TTLL11: variants seen among roughly 807,000 people sequenced by gnomAD.
TTLL11 encodes the protein tubulin tyrosine ligase like 11.
TTLL11 carries 42 observed loss-of-function variants against 51.7 expected under a neutral mutation model. The observed-to-expected ratio is 0.81, with a 90% CI of 0.64 to 1.05. The LOEUF is 1.05. Among genes scored for constraint, TTLL11 ranks in the 50% least tolerant of loss-of-function variants. The probability of loss-of-function intolerance (pLI) is 0.00; values close to 1 mark genes in which losing one functional copy is unlikely to be tolerated. For synonymous variants in TTLL11, 381 were observed against 383.5 expected (o/e 0.99, Z 0.08); for missense variants, 799 against 940.4 (o/e 0.85, Z 1.97).
At position 122,054,591 on chromosome 9, in the gene TTLL11, T is replaced by C. The variant is rs117907772; in HGVS notation, c.463-15223A>G. Reference sequence around the variant, plus strand: ...TCCACTTTCCAATTCATGAGGGTGATACAAACAACAAAATAATCTCTTTAA... The same window carrying C: ...TCCACTTTCCAATTCATGAGGGTGACACAAACAACAAAATAATCTCTTTAA... On this transcript the variant is annotated intron_variant, in intron 1 of 8. Transcript: ENST00000321582. Among the ~76,000 whole-genome samples the C allele has an allele frequency of 7.9e-3, 1,204 of 152,268 alleles. 3 individuals carry two copies. Among genetic ancestry groups the C allele is most frequent in the South Asian group, 0.018 (87 of 4,820 alleles).
chr9:121,870,914 T>C (rs150846239), intron 6 of TTLL11, among the ~76,000 whole-genome samples, 166 bp from the exon 7 acceptor site: 141 of 152,050 alleles, frequency 9.3e-4, no homozygotes, highest in Middle Eastern at 3.4e-3. Context: ...AGCTAGCACA[T>C]AGCCAAGCCA....
intron 3 of TTLL11, among the ~76,000 whole-genome samples, chr9:122,017,670 C>G (rs1471435612): frequency 1.3e-5 from 2 of 151,732 alleles, no homozygotes; most frequent in African/African-American, 4.8e-5. Flanking sequence ...ACCATGTTGG[C>G]TAGGCTGGTC....
At chr9:121,877,907 C>G (rs4837908) in intron 6 of TTLL11, among the ~76,000 whole-genome samples, 110,766 of 152,030 alleles carry the variant, frequency 0.73, 40,913 homozygotes, top group East Asian at 0.9. Flanking sequence ...GTCAGGCACT[C>G]ACTGAGGACC....
chr9:121,822,154 AC>A lies in TTLL11; in HGVS notation c.*432del, dbSNP rs1216337447. 1 of 152,600 alleles carries A rather than the reference AC, an allele frequency of 6.6e-6. No individual in the cohort carries two copies. The highest frequency in any genetic ancestry group is 6.6e-5 in the Admixed American group (1 of 15,234). 9.5% of individuals were successfully genotyped at this position (152,600 alleles called of 1,614,324 possible). A position where few individuals can be genotyped will look rare whatever the true frequency, so the allele number is the denominator to read the frequency against. On this transcript the variant is annotated 3_prime_UTR_variant, in exon 9 of 9. Transcript: ENST00000321582. The surrounding 1 kb of genome is among the most constrained non-coding windows in gnomAD (Gnocchi z 5.8). Reference sequence around the variant, plus strand: ...TCGGAACGGGCGGCAGGAAATAAACACGATGTTCTCAGGCTTTTCCCGGTGG... The same window carrying A: ...TCGGAACGGGCGGCAGGAAATAAACAGATGTTCTCAGGCTTTTCCCGGTGG...
rs150870848 is a variant in TTLL11 at position 121,850,855 on chromosome 9, G to A, written c.1840+9482C>T. ...TCACGTCCTTGGTAATTGCCCAATCGTGCTACAAACTTATGTCCACACAAA... is the reference window on the plus strand; with the variant it reads ...TCACGTCCTTGGTAATTGCCCAATCATGCTACAAACTTATGTCCACACAAA... On this transcript the variant is annotated intron_variant, in intron 8 of 8. Transcript: ENST00000321582. Among the ~76,000 whole-genome samples the A allele has an allele frequency of 4.6e-5, 7 of 152,106 alleles. 1 individual carries two copies. Among genetic ancestry groups the A allele is most frequent in the South Asian group, 4.2e-4 (2 of 4,818 alleles).
intron 6 of TTLL11, among the ~76,000 whole-genome samples, chr9:121,871,766 C>T (rs930787424): frequency 1.3e-5 from 2 of 152,252 alleles, no homozygotes; most frequent in African/African-American, 4.8e-5. Context: ...GCCAGGCACA[C>T]AGTTCCAGCC....
At chr9:121,914,301 G>A (rs749561808) in intron 6 of TTLL11, among the ~76,000 whole-genome samples, 1 of 152,226 alleles carries the variant, frequency 6.6e-6, no homozygotes, top group Non-Finnish European at 1.5e-5. Context: ...AGCCTGGCAG[G>A]CAGAGCCTAA....
chr9:122,028,670 C>G (rs1387426562), intron 3 of TTLL11, among the ~76,000 whole-genome samples: 1 of 152,174 alleles, frequency 6.6e-6, no homozygotes, highest in Non-Finnish European at 1.5e-5. Context: ...CCAATAGCAA[C>G]TTGGCCTAAT....
At chr9:121,869,316 G>C (rs1019899535) in intron 7 of TTLL11, among the ~76,000 whole-genome samples, 3 of 152,206 alleles carry the variant, frequency 2.0e-5, no homozygotes, top group Non-Finnish European at 4.4e-5. Flanking sequence ...GACAAAAGTG[G>C]CTTCCCACTC....
rs145349644 is a variant in TTLL11 at position 121,984,893 on chromosome 9, C to T, written c.1269+4302G>A. ...CTGAGACAGGCCTTGCTGTATAAGTCAGAGTCACACTGGTACCCTCAAGAA... is the reference window on the plus strand; with the variant it reads ...CTGAGACAGGCCTTGCTGTATAAGTTAGAGTCACACTGGTACCCTCAAGAA... On this transcript the variant is annotated intron_variant, in intron 4 of 8. Transcript: ENST00000321582. Among the ~76,000 whole-genome samples the T allele has an allele frequency of 6.8e-4, 103 of 152,250 alleles. 1 individual carries two copies. The highest frequency in any genetic ancestry group is 2.2e-3 in the Admixed American group (34 of 15,278).
intron 6 of TTLL11, among the ~76,000 whole-genome samples, chr9:121,973,611 G>C (rs1221147599): frequency 6.8e-6 from 1 of 147,046 alleles, no homozygotes; most frequent in Admixed American, 6.8e-5. Context: ...GGGGAGGGGG[G>C]AAGGACAGCA....
intron 6 of TTLL11, among the ~76,000 whole-genome samples, chr9:121,876,359 A>G (rs971145383): frequency 7.9e-5 from 12 of 152,228 alleles, no homozygotes; most frequent in African/African-American, 2.9e-4. Flanking sequence ...ACATTCCTTC[A>G]ATAATTTATT....
At chr9:121,837,060 C>T (rs1837199310) in intron 8 of TTLL11, among the ~76,000 whole-genome samples, 2 of 152,206 alleles carry the variant, frequency 1.3e-5, no homozygotes, top group Non-Finnish European at 2.9e-5. Flanking sequence ...ACAATTTTAA[C>T]CATGCCTTGA....
At chr9:121,832,294 G>GA (rs1192839529) in intron 8 of TTLL11, among the ~76,000 whole-genome samples, 1 of 152,048 alleles carries the variant, frequency 6.6e-6, no homozygotes, top group Non-Finnish European at 1.5e-5. Context: ...GAGCCATTTA[G>GA]AAAAAAATAT....
At chr9:122,045,733 G>A (rs1023905565) in intron 1 of TTLL11, among the ~76,000 whole-genome samples, 1 of 152,184 alleles carries the variant, frequency 6.6e-6, no homozygotes, top group Non-Finnish European at 1.5e-5. Context: ...ATAAAGGAAG[G>A]AAATTCTTCT....
intron 6 of TTLL11, among the ~76,000 whole-genome samples, chr9:121,936,665 C>T (rs1251198097): frequency 6.6e-6 from 1 of 152,168 alleles, no homozygotes; most frequent in Admixed American, 6.5e-5. Context: ...GTGCTAGAAA[C>T]TTGGAATACA....
chr9:121,922,760 A>AGTGT (rs71370699), intron 6 of TTLL11, among the ~76,000 whole-genome samples: 5,503 of 148,174 alleles, frequency 0.037, 127 homozygotes, highest in African/African-American at 0.056. Flanking sequence ...ATATCTATTC[A>AGTGT]GTGTGTGTGT....
At chr9:121,828,325 A>G (rs1311231192) in intron 8 of TTLL11, among the ~76,000 whole-genome samples, 1 of 151,848 alleles carries the variant, frequency 6.6e-6, no homozygotes, top group African/African-American at 2.4e-5. Flanking sequence ...GGCATGCACC[A>G]CTATACCTGG....
intron 1 of TTLL11, among the ~76,000 whole-genome samples, chr9:122,053,571 G>A (rs1208725105): frequency 6.6e-6 from 1 of 152,092 alleles, no homozygotes; most frequent in Non-Finnish European, 1.5e-5. Context: ...ATGGAGAGTG[G>A]ATGAGGAGTA....
Sources: allele counts gnomAD v4.1 joint callset (sites outside exome capture counted in the v4.1 genomes callset), GRCh38; gene constraint gnomAD v4.1.1; non-coding constraint Gnocchi (gnomAD v3.1); transcripts MANE v1.5; gene names NCBI Gene and HGNC (gene_info 2026-07-23, HGNC 2026-07-21).